The following FRY variants were observed in gnomAD, a reference collection of about 807,000 sequenced individuals.
FRY encodes FRY microtubule binding protein, also known as protein furry homolog.
Under a neutral mutation model 348.4 loss-of-function variants are expected in FRY, and 128 were observed. The observed-to-expected ratio is 0.37, with a 90% CI of 0.32 to 0.43. The LOEUF is 0.43. Ranked by LOEUF, FRY falls within the 20% of genes least tolerant of loss-of-function variation. The pLI is 1.00. For synonymous variants in FRY, 1,370 were observed against 1,374.7 expected, an observed-to-expected ratio of 1.00 and a Z score of 0.08; for missense variants, 2,736 against 3,695.2, an observed-to-expected ratio of 0.74 and a Z score of 6.73.
intron 20 of FRY, 104 bp downstream of exon 20, chr13:32,175,736 T>C: frequency 2.7e-6 from 2 of 737,224 alleles, no homozygotes; most frequent in South Asian, 2.9e-5. Context: ...TTATGTCAGA[T>C]TAATAAACTG....
At chr13:32,145,703 C>T (rs1474229142) in intron 11 of FRY, among the ~76,000 whole-genome samples, 2 of 151,132 alleles carry the variant, frequency 1.3e-5, no homozygotes, top group African/African-American at 4.9e-5. Flanking sequence ...CGCCACCGCG[C>T]CCGGCTAATT....
chr13:32,072,851 A>G (rs1321615718), intron 1 of FRY, among the ~76,000 whole-genome samples: 1 of 152,234 alleles, frequency 6.6e-6, no homozygotes, highest in African/African-American at 2.4e-5. Flanking sequence ...GAACTGGCAG[A>G]AAGAATAATT....
Position 32,271,382 on chromosome 13 carries a change from A to G in FRY, c.8137-3460A>G, listed in dbSNP as rs149949883. ...TCAAAGACTACTTATGAGAGCTCAC[A>G]TGGAGAAACACCTCAAGCCATGCAT... On this transcript the variant is annotated intron_variant, in intron 55 of 60. Transcript: ENST00000542859. Among the ~76,000 whole-genome samples the G allele has an allele frequency of 3.2e-3, 489 of 152,244 alleles. 1 individual carries two copies. The highest frequency in any genetic ancestry group is 6.0e-3 in the South Asian group (29 of 4,810).
intron 1 of FRY, among the ~76,000 whole-genome samples, chr13:32,069,970 T>G (rs1382530688): frequency 6.6e-6 from 1 of 152,010 alleles, no homozygotes; most frequent in Non-Finnish European, 1.5e-5. Flanking sequence ...AGTGTTTGGT[T>G]TTCTGTCCTT....
At chr13:32,142,609 C>A (rs951272284) in intron 11 of FRY, among the ~76,000 whole-genome samples, 1 of 150,934 alleles carries the variant, frequency 6.6e-6, no homozygotes, top group African/African-American at 2.4e-5. Flanking sequence ...ATCTGAAATA[C>A]CAAAATTCCA....
chr13:32,204,741 G>A (rs1177406266), intron 31 of FRY, among the ~76,000 whole-genome samples: 1 of 152,150 alleles, frequency 6.6e-6, no homozygotes, highest in East Asian at 1.9e-4. Flanking sequence ...CCCAATAAAA[G>A]CCTTTTTAGT....
chr13:32,155,630 A>G lies in FRY; in HGVS notation c.1619A>G (p.Lys540Arg), dbSNP rs1189804515. The stretch of plus-strand genomic sequence containing the variant: ...AGAGTAAAGAAAACATATTTGAGTA[A>G]AACACTAACTGAAGAGGAAGCCAAA... ...TLRVKKTYLS[K>R]TLTEEEAKMI... Residue 540 changes from lysine to arginine, a missense_variant, in exon 15 of 61, where the codon AAA (lysine) becomes AGA (arginine). Physicochemically the swap from Lys to Arg is conservative, Grantham distance 26. Around this residue, in one of 9 missense-constraint regions of FRY, gnomAD observed 191 missense variants for 370.2 expected, o/e 0.52. Coordinates refer to ENST00000542859, the MANE Select transcript of FRY (RefSeq NM_023037.3). 1 of 1,613,530 alleles carries G rather than the reference A, an allele frequency of 6.2e-7. No homozygotes were observed. The highest frequency in any genetic ancestry group is 8.5e-7 in the Non-Finnish European group (1 of 1,179,752).
chr13:32,097,065 T>A (rs746333865), intron 2 of FRY, among the ~76,000 whole-genome samples: 3 of 152,066 alleles, frequency 2.0e-5, no homozygotes, highest in Non-Finnish European at 4.4e-5. Flanking sequence ...CCCATCTAAT[T>A]TGTAGTGGGA....
At chr13:32,076,084 T>C (rs1875033816) in intron 1 of FRY, among the ~76,000 whole-genome samples, 1 of 152,238 alleles carries the variant, frequency 6.6e-6, no homozygotes, top group South Asian at 2.1e-4. Context: ...TGAGAGGTTT[T>C]CTGGTATCTG....
chr13:32,190,734 G>A (rs1883290500), intron 28 of FRY, among the ~76,000 whole-genome samples: 1 of 152,136 alleles, frequency 6.6e-6, no homozygotes, highest in Non-Finnish European at 1.5e-5. Context: ...ATTCACTATT[G>A]TAAAGAAGTC....
intron 3 of FRY, among the ~76,000 whole-genome samples, chr13:32,111,369 G>A (rs1294930406): frequency 1.3e-5 from 2 of 152,032 alleles, no homozygotes; most frequent in East Asian, 3.9e-4. Context: ...GGTGGTGTGT[G>A]CCTGTAGTCC....
chr13:32,134,123 T>TAAGTTACTA (rs1171546116), intron 8 of FRY, among the ~76,000 whole-genome samples: 1 of 152,006 alleles, frequency 6.6e-6, no homozygotes, highest in Non-Finnish European at 1.5e-5. Flanking sequence ...TAGACCACAA[T>TAAGTTACTA]AAGTTACTAC....
chr13:32,103,204 T>C (rs1020650710), intron 3 of FRY, among the ~76,000 whole-genome samples: 1 of 152,198 alleles, frequency 6.6e-6, no homozygotes, highest in Non-Finnish European at 1.5e-5. Context: ...GCTGGTGAAA[T>C]GGAAGATGGG....
chr13:32,251,173 A>G (rs1184767533), intron 49 of FRY, among the ~76,000 whole-genome samples: 4 of 152,214 alleles, frequency 2.6e-5, no homozygotes, highest in Non-Finnish European at 5.9e-5. Flanking sequence ...AAAATTCTCA[A>G]CTCACCAATC....
At chr13:32,178,505 G>A (rs1304053928) in intron 21 of FRY, 69 bp downstream of exon 21, 67 of 1,514,872 alleles carry the variant, frequency 4.4e-5, no homozygotes, top group Admixed American at 3.5e-5. Context: ...TTCATTTTGT[G>A]TAAGAGATTG....
chr13:32,186,957 A>G (rs1174210805), intron 27 of FRY, among the ~76,000 whole-genome samples: 1 of 152,140 alleles, frequency 6.6e-6, no homozygotes, highest in Non-Finnish European at 1.5e-5. Flanking sequence ...CCTGATAGTC[A>G]GTTGGACCTG....
Position 32,124,393 on chromosome 13 carries a change from T to C in FRY, c.555+17T>C, listed in dbSNP as rs781153180. The C allele has an allele frequency of 3.0e-6, 4 of 1,316,356 alleles. No individual in the cohort carries two copies. The highest frequency in any genetic ancestry group is 2.3e-5 in the East Asian group (1 of 42,948). 81.5% of individuals were successfully genotyped at this position (1,316,356 alleles called of 1,614,324 possible). ...TTGAAACAGGTAGGTGATTAATTTATTGTTACTTTTAGATAATATTTATTG... is the reference window on the plus strand; with the variant it reads ...TTGAAACAGGTAGGTGATTAATTTACTGTTACTTTTAGATAATATTTATTG... On this transcript the variant is annotated intron_variant, in intron 5 of 60. Coordinates refer to ENST00000542859, the MANE Select transcript of FRY (RefSeq NM_023037.3).
chr13:32,242,686 C>G (rs1339111091), intron 46 of FRY, among the ~76,000 whole-genome samples: 3 of 152,122 alleles, frequency 2.0e-5, no homozygotes, highest in African/African-American at 4.8e-5. Flanking sequence ...AGGCACCCAC[C>G]ACTACGCCCA....
At chr13:32,123,961 A>G (rs1878857794) in intron 4 of FRY, among the ~76,000 whole-genome samples, 1 of 152,252 alleles carries the variant, frequency 6.6e-6, no homozygotes, top group South Asian at 2.1e-4. Context: ...CAGCCTCTCA[A>G]GTAGCTGGGA....
Sources: gnomAD v4.1 joint callset for allele counts (sites outside exome capture counted in the v4.1 genomes callset) on GRCh38, gnomAD v4.1.1 for gene constraint, gnomAD v4.1.1 regional missense constraint, MANE v1.5 for transcripts, NCBI Gene and HGNC (gene_info 2026-07-23, HGNC 2026-07-21) for gene names.